Variants in RANBP10 observed in about 807,000 individuals in gnomAD.
RANBP10 encodes ran-binding protein 10.
Under a neutral mutation model 72.8 loss-of-function variants are expected in RANBP10, and 24 were observed. That is an observed-to-expected ratio of 0.33 (90% CI 0.24 to 0.46). The LOEUF is 0.46. Among genes scored for constraint, RANBP10 ranks in the 20% least tolerant of loss-of-function variants. The pLI is 1.00. For synonymous variants in RANBP10, 310 were observed against 322.3 expected (o/e 0.96, Z 0.41); for missense variants, 679 against 817.5 (o/e 0.83, Z 2.07).
rs960325384 is a variant in RANBP10, at chr16:67,723,874, G to A, written c.*2554C>T. 1.6e-4 allele frequency: 25 copies of A among 152,556 alleles called. No individual in the cohort carries two copies. Among genetic ancestry groups the A allele is most frequent in the African/African-American group, 5.8e-4 (24 of 41,464 alleles). The allele number at this position is 152,556 out of a possible 1,614,324, so 9.5% of individuals were successfully genotyped here. On this transcript the variant is annotated 3_prime_UTR_variant, in exon 14 of 14. Coordinates refer to ENST00000317506, the MANE Select transcript of RANBP10 (RefSeq NM_020850.3). ...AGGCAGGCCTGGACTCTCAGCAAGAGAGTGGGCTCAAGCAGCTTGGTTTTG... is the reference window on the plus strand; with the variant it reads ...AGGCAGGCCTGGACTCTCAGCAAGAAAGTGGGCTCAAGCAGCTTGGTTTTG...
At chr16:67,802,258 G>A (rs1216091503) in intron 2 of RANBP10, among the ~76,000 whole-genome samples, 3 of 152,230 alleles carry the variant, frequency 2.0e-5, no homozygotes, top group Admixed American at 2.0e-4. Context: ...AAGAGACCAT[G>A]AGGAGCTATT....
In RANBP10 at chr16:67,727,735, C is replaced by T; in HGVS notation, c.1620+16G>A. ...AAATGGGGCCTGCTCTGCATGAGGC[C>T]CGGCTCATCCTGTACCTGCAGCATC... On this transcript the variant is annotated intron_variant, in intron 12 of 13. Transcript: ENST00000317506. 1 of 1,614,004 alleles carries T rather than the reference C, an allele frequency of 6.2e-7. No individual in the cohort carries two copies.
intron 3 of RANBP10, among the ~76,000 whole-genome samples, chr16:67,746,177 A>G (rs1465332351): frequency 6.7e-6 from 1 of 149,454 alleles, no homozygotes; most frequent in Non-Finnish European, 1.5e-5. Flanking sequence ...AAAATAAAGA[A>G]ATTTTAAAAA....
intron 10 of RANBP10, 38 bp from the exon 11 acceptor site, chr16:67,728,549 G>A (rs1294442342): frequency 6.2e-7 from 1 of 1,613,574 alleles, no homozygotes; most frequent in Non-Finnish European, 8.5e-7. Context: ...GGCCCAGGGG[G>A]TGTGGTTGGA....
chr16:67,800,488 G>A (rs2055216809), intron 2 of RANBP10, among the ~76,000 whole-genome samples: 1 of 152,170 alleles, frequency 6.6e-6, no homozygotes, highest in Non-Finnish European at 1.5e-5. Flanking sequence ...ATCACTAAGA[G>A]CCAGGGACAC....
At chr16:67,726,921 A>T (rs2053613059) in intron 13 of RANBP10, among the ~76,000 whole-genome samples, 1 of 152,168 alleles carries the variant, frequency 6.6e-6, no homozygotes, top group African/African-American at 2.4e-5. Context: ...GTGGATAAAC[A>T]TCAGCTCTTT....
At chr16:67,739,066 TCTC>T (rs2053915615) in intron 4 of RANBP10, 1 of 152,130 alleles carries the variant, frequency 6.6e-6, no homozygotes, top group African/African-American at 2.4e-5. Context: ...TTCAAGCAAT[TCTC>T]CTGCCTCAGC....
chr16:67,727,297 C>CTAA lies in RANBP10; in HGVS notation c.1732+27_1732+29dup, dbSNP rs752406710. The CTAA allele has an allele frequency of 3.2e-6, 5 of 1,578,946 alleles. No individual in the cohort carries two copies. The South Asian group carries it at 3.4e-5, about 11-fold the overall frequency. ...TTGGGCTACAGAGCAGACTCTGTCT[C>CTAA]TAATAATAATAATAAATAGATTCAC... On this transcript the variant is annotated intron_variant, in intron 13 of 13. Transcript: ENST00000317506.
At chr16:67,765,389 G>A (rs1364518887) in intron 3 of RANBP10, among the ~76,000 whole-genome samples, 1 of 151,384 alleles carries the variant, frequency 6.6e-6, no homozygotes, top group African/African-American at 2.4e-5. Flanking sequence ...AGCTGGGCGT[G>A]GTGGTGCGTG....
intron 3 of RANBP10, among the ~76,000 whole-genome samples, chr16:67,760,647 AG>A (rs1194866008): frequency 2.0e-5 from 3 of 152,186 alleles, no homozygotes; most frequent in Non-Finnish European, 4.4e-5. Context: ...TCCCTGCTGT[AG>A]TTCTTCCAGC....
chr16:67,737,908 G>T, intron 5 of RANBP10, 105 bp downstream of exon 5: 1 of 1,408,970 alleles, frequency 7.1e-7, no homozygotes, highest in Non-Finnish European at 9.8e-7. Context: ...ATCCCTGGTT[G>T]GGGAAAGAAC....
At chr16:67,791,505 G>C (rs1330550942) in intron 2 of RANBP10, among the ~76,000 whole-genome samples, 1 of 152,160 alleles carries the variant, frequency 6.6e-6, no homozygotes, top group South Asian at 2.1e-4. Context: ...GAAGAGACAA[G>C]GTCTTCAGCC....
intron 4 of RANBP10, chr16:67,739,907 G>T (rs2053933039): frequency 6.6e-6 from 1 of 152,112 alleles, no homozygotes; most frequent in African/African-American, 2.4e-5. Flanking sequence ...GGCTACCAGA[G>T]CACCCATGTT....
chr16:67,793,417 T>C (rs538332685), intron 2 of RANBP10, among the ~76,000 whole-genome samples: 27 of 151,394 alleles, frequency 1.8e-4, no homozygotes, highest in Non-Finnish European at 3.7e-4. Flanking sequence ...GTTCAAGCAA[T>C]TCTCCTGCCT....
intron 2 of RANBP10, among the ~76,000 whole-genome samples, chr16:67,784,044 CA>C (rs747315565): frequency 0.036 from 1,789 of 50,316 alleles, 17 homozygotes; most frequent in Admixed American, 0.094. Flanking sequence ...GACTCCGTCT[CA>C]AAAAAAAAAA....
Position 67,730,093 on chromosome 16 carries a change from C to T in RANBP10, c.890-47G>A. The T allele has an allele frequency of 6.4e-7, 1 of 1,551,046 alleles. No individual in the cohort carries two copies. The highest frequency in any genetic ancestry group is 8.8e-7 in the Non-Finnish European group (1 of 1,133,808). Reference sequence around the variant, plus strand: ...CAGTGAGCGAGGGCTACAGGCCTCTCCCACAGCCACACACCTGGGATGCTG... The same window carrying T: ...CAGTGAGCGAGGGCTACAGGCCTCTTCCACAGCCACACACCTGGGATGCTG... On this transcript the variant is annotated intron_variant, in intron 7 of 13. Coordinates refer to ENST00000317506, the MANE Select transcript of RANBP10 (RefSeq NM_020850.3). This position sits in a 1 kb window ranked among gnomAD's most constrained non-coding sequence, Gnocchi z 4.3.
chr16:67,749,842 T>C (rs544146206), intron 3 of RANBP10, among the ~76,000 whole-genome samples: 1 of 152,072 alleles, frequency 6.6e-6, no homozygotes, highest in East Asian at 1.9e-4. Context: ...TGGACAGCAG[T>C]GAGGAGCAAA....
At chr16:67,790,338 CTGTT>C (rs1461139996) in intron 2 of RANBP10, among the ~76,000 whole-genome samples, 1 of 151,668 alleles carries the variant, frequency 6.6e-6, no homozygotes, top group Admixed American at 6.6e-5. Context: ...TACAGAGTTT[CTGTT>C]TGGGGTGATG....
chr16:67,728,017 G>A, intron 11 of RANBP10, 121 bp from the exon 12 acceptor site: 3 of 1,101,502 alleles, frequency 2.7e-6, no homozygotes, highest in South Asian at 1.4e-5. Context: ...GCAGGGCTGG[G>A]AGGAACAGGT....
Sources: gnomAD v4.1 joint callset for allele counts (sites outside exome capture counted in the v4.1 genomes callset) on GRCh38, gnomAD v4.1.1 for gene constraint, Gnocchi (gnomAD v3.1) non-coding constraint, MANE v1.5 for transcripts, NCBI Gene and HGNC (gene_info 2026-07-23, HGNC 2026-07-21) for gene names.